Variants in SDC2 observed in about 807,000 individuals in gnomAD.
The protein encoded by SDC2 is syndecan 2.
In SDC2, 13 loss-of-function variants were observed where a neutral mutation model predicts 22.2. The observed-to-expected ratio is 0.59, with a 90% CI of 0.38 to 0.93. SDC2 has a LOEUF of 0.93. Ranked by LOEUF, SDC2 falls within the 40% of genes least tolerant of loss-of-function variation. The pLI, the probability that SDC2 is intolerant of heterozygous loss-of-function variation, is 0.00. For missense variants in SDC2, 235 were observed against 246.8 expected, an observed-to-expected ratio of 0.95 and a Z score of 0.32; for synonymous variants, 94 against 92.8, an observed-to-expected ratio of 1.01 and a Z score of -0.07.
chr8:96,558,530 G>A (rs1814157493), intron 1 of SDC2, among the ~76,000 whole-genome samples: 1 of 152,140 alleles, frequency 6.6e-6, no homozygotes, highest in African/African-American at 2.4e-5. Flanking sequence ...TAAGTGCTTA[G>A]AAATATTTGT....
chr8:96,528,676 C>T (rs533649101), intron 1 of SDC2, among the ~76,000 whole-genome samples: 4 of 152,156 alleles, frequency 2.6e-5, no homozygotes, highest in Non-Finnish European at 2.9e-5. Context: ...TTTTAAACAA[C>T]CTTTTAGTCT....
At chr8:96,525,496 T>C (rs1037294002) in intron 1 of SDC2, among the ~76,000 whole-genome samples, 2 of 152,170 alleles carry the variant, frequency 1.3e-5, no homozygotes, top group Non-Finnish European at 2.9e-5. Context: ...TGTGCGTTGC[T>C]TGGGGGCATG....
chr8:96,599,884 T>C lies in SDC2; in HGVS notation c.173-2511T>C, dbSNP rs1209085634. ...AGCCGGGCACAGTGCCTCATACCTATAATCTCAACACTTTGGGAGACCCAG... is the reference window on the plus strand; with the variant it reads ...AGCCGGGCACAGTGCCTCATACCTACAATCTCAACACTTTGGGAGACCCAG... On this transcript the variant is annotated intron_variant, in intron 2 of 4. Coordinates refer to ENST00000302190, the MANE Select transcript of SDC2 (RefSeq NM_002998.4). Among the ~76,000 whole-genome samples the C allele has an allele frequency of 3.3e-5, 5 of 152,214 alleles. No individual in the cohort carries two copies. In the South Asian group the frequency reaches 6.2e-4, roughly 19 times the overall value.
At chr8:96,540,943 T>C (rs1176707045) in intron 1 of SDC2, among the ~76,000 whole-genome samples, 2 of 152,198 alleles carry the variant, frequency 1.3e-5, no homozygotes, top group Admixed American at 6.5e-5. Context: ...TACCTGACTT[T>C]AGTTCATCTC....
intron 1 of SDC2, 66 bp from the exon 2 acceptor site, chr8:96,593,414 A>C: frequency 1.9e-6 from 2 of 1,058,304 alleles, no homozygotes; most frequent in Admixed American, 3.5e-5. Context: ...GTACCTGAAC[A>C]ATCAGATATA....
rs1813006193 is a variant in SDC2 at position 96,494,114 on chromosome 8, G to A, written c.-158G>A. The A allele has an allele frequency of 1.5e-6, 1 of 656,770 alleles. No individual in the cohort carries two copies. Among genetic ancestry groups the A allele is most frequent in the South Asian group, 2.1e-5 (1 of 48,702 alleles). The allele number at this position is 656,770 out of a possible 1,614,324, so 40.7% of individuals were successfully genotyped here. ...GCAGGCGCAGGAGGAGGAAGCGAGC[G>A]CCCCCGAGCCCCGAGCCCGAGTCCC... On this transcript the variant is annotated 5_prime_UTR_variant, in exon 1 of 5. Transcript: ENST00000302190.
At chr8:96,533,316 T>C (rs1813697239) in intron 1 of SDC2, among the ~76,000 whole-genome samples, 1 of 152,200 alleles carries the variant, frequency 6.6e-6, no homozygotes, top group Non-Finnish European at 1.5e-5. Flanking sequence ...TGTTGATTGG[T>C]CCATTTTACA....
chr8:96,501,546 G>T (rs1248036351), intron 1 of SDC2, among the ~76,000 whole-genome samples: 1 of 151,944 alleles, frequency 6.6e-6, no homozygotes, highest in African/African-American at 2.4e-5. Flanking sequence ...GACCTCAACT[G>T]ATCCGCCTGC....
chr8:96,556,543 A>C (rs368425600), intron 1 of SDC2, among the ~76,000 whole-genome samples: 7 of 151,954 alleles, frequency 4.6e-5, no homozygotes, highest in African/African-American at 1.5e-4. Flanking sequence ...CTATTTAATA[A>C]ATGGTGCTGG....
intron 1 of SDC2, among the ~76,000 whole-genome samples, chr8:96,520,267 G>C (rs763812567): frequency 6.6e-6 from 1 of 152,166 alleles, no homozygotes; most frequent in Non-Finnish European, 1.5e-5. Flanking sequence ...CAGTATAATT[G>C]TCACTTTCAA....
At chr8:96,562,584 T>C (rs1814227704) in intron 1 of SDC2, among the ~76,000 whole-genome samples, 2 of 152,202 alleles carry the variant, frequency 1.3e-5, no homozygotes, top group African/African-American at 4.8e-5. Flanking sequence ...TTTTCTCCTC[T>C]TGTGCAGGCT....
chr8:96,538,766 A>G (rs997705203), intron 1 of SDC2: 6 of 152,262 alleles, frequency 3.9e-5, no homozygotes, highest in Admixed American at 3.3e-4. Flanking sequence ...GTGAAGAGCA[A>G]TTGCTAAAGA....
In SDC2 at chr8:96,494,005, G is replaced by C; in HGVS notation, c.-267G>C. 1.9e-6 allele frequency: 1 copy of C among 522,092 alleles called. No individual in the cohort carries two copies. Among genetic ancestry groups the C allele is most frequent in the South Asian group, 2.6e-5 (1 of 37,876 alleles). 32.3% of individuals were successfully genotyped at this position (522,092 alleles called of 1,614,324 possible). ...AAGAGCTTCAGAGAGCAGCCTTCCC[G>C]GAGCACCAACTCCGTGTCGGGAGTG... On this transcript the variant is annotated 5_prime_UTR_variant, in exon 1 of 5. Coordinates refer to ENST00000302190, the MANE Select transcript of SDC2 (RefSeq NM_002998.4).
chr8:96,605,819 C>G (rs1052979010), intron 3 of SDC2, among the ~76,000 whole-genome samples: 2 of 152,172 alleles, frequency 1.3e-5, no homozygotes, highest in East Asian at 3.9e-4. Flanking sequence ...ATGGATCCAC[C>G]TGGTCTAGCT....
At chr8:96,566,069 G>C (rs1814294755) in intron 1 of SDC2, among the ~76,000 whole-genome samples, 1 of 152,118 alleles carries the variant, frequency 6.6e-6, no homozygotes, top group Non-Finnish European at 1.5e-5. Flanking sequence ...ACCACCATCT[G>C]GTCTTCCTCA....
intron 1 of SDC2, among the ~76,000 whole-genome samples, chr8:96,583,226 A>G (rs558798517): frequency 7.0e-6 from 1 of 142,216 alleles, no homozygotes; most frequent in Non-Finnish European, 1.5e-5. Flanking sequence ...TGCTGGGATT[A>G]CAAGCATGAG....
At chr8:96,500,932 C>G (rs1202605947) in intron 1 of SDC2, among the ~76,000 whole-genome samples, 1 of 152,122 alleles carries the variant, frequency 6.6e-6, no homozygotes, top group African/African-American at 2.4e-5. Context: ...TGGAGATTTT[C>G]CATTTGCATT....
At position 96,508,801 on chromosome 8, in the gene SDC2, T is replaced by G. The variant is rs1813287730; in HGVS notation, c.60+14470T>G. The stretch of plus-strand genomic sequence containing the variant: ...TTTAAATAGTCTTTCTATGATACTG[T>G]AATCTTTCAAGAGAGCAGTGAAAGT... On this transcript the variant is annotated intron_variant, in intron 1 of 4. Coordinates refer to ENST00000302190, the MANE Select transcript of SDC2 (RefSeq NM_002998.4). 1.4e-5 allele frequency among the ~76,000 whole-genome samples: 2 copies of G among 142,220 alleles called. 1 individual carries two copies. The highest frequency in any genetic ancestry group is 5.0e-5 in the African/African-American group (2 of 39,912). 93.3% of individuals were successfully genotyped at this position (142,220 alleles called of 152,430 possible).
At chr8:96,523,974 T>A (rs1306174134) in intron 1 of SDC2, among the ~76,000 whole-genome samples, 1 of 152,148 alleles carries the variant, frequency 6.6e-6, no homozygotes, top group Non-Finnish European at 1.5e-5. Flanking sequence ...TTAGGCTTCT[T>A]TCAAAAAAGA....
Sources: gnomAD v4.1 joint callset for allele counts (sites outside exome capture counted in the v4.1 genomes callset) on GRCh38, gnomAD v4.1.1 for gene constraint, MANE v1.5 for transcripts, NCBI Gene and HGNC (gene_info 2026-07-23, HGNC 2026-07-21) for gene names.